TRRAP: variants seen among roughly 807,000 people sequenced by gnomAD.
TRRAP encodes transformation/transcription domain-associated protein.
Under a neutral mutation model 438.8 loss-of-function variants are expected in TRRAP, and 41 were observed. That is an observed-to-expected ratio of 0.09 (90% CI 0.07 to 0.12). The LOEUF (loss-of-function observed/expected upper bound fraction) is 0.12. Among genes scored for constraint, TRRAP ranks in the 10% least tolerant of loss-of-function variants. The probability of loss-of-function intolerance (pLI) is 1.00; values close to 1 mark genes in which losing one functional copy is unlikely to be tolerated. For synonymous variants in TRRAP, 1,994 were observed against 1,962.9 expected (o/e 1.02, Z -0.42); for missense variants, 3,122 against 5,055.1 (o/e 0.62, Z 11.60).
chr7:98,984,208 A>G lies in TRRAP; in HGVS notation c.9138A>G (p.Lys3046=). ...TCCAGTATGGAAAAATCGCCCGGAA[A>G]CAAGGACTGGTCAATGTAGCTCTGG... is the stretch of plus-strand genomic sequence containing the variant. ...AIIQYGKIAR[K]QGLVNVALDI... Residue 3046 remains lysine (K), a synonymous_variant, in exon 61 of 73, where the codon AAA becomes AAG. Coordinates refer to ENST00000456197, the MANE Select transcript of TRRAP (RefSeq NM_001375524.1). 1 of 1,614,186 alleles carries G rather than the reference A, an allele frequency of 6.2e-7. No individual in the cohort carries two copies. The highest frequency in any genetic ancestry group is 8.5e-7 in the Non-Finnish European group (1 of 1,180,020).
rs782725234 is a variant in TRRAP at position 98,950,074 on chromosome 7, G to A, written c.5146G>A (p.Gly1716Arg). 17 of 1,614,082 alleles carry A rather than the reference G, an allele frequency of 1.1e-5. No homozygotes were observed. Among genetic ancestry groups the A allele is most frequent in the East Asian group, 2.2e-5 (1 of 44,900 alleles). The change falls in exon 38 of 73, where the codon GGA (glycine) becomes AGA (arginine). Residue 1716 changes from glycine to arginine, a missense_variant. This residue lies in a region of TRRAP where 272 missense variants were observed against 348.5 expected (regional missense o/e 0.78). Transcript: ENST00000456197. ...CTTTTGACCCTCCAGAAGGAATTAC[G>A]GAGATATAGAATTGCTGTTCCAGCT... Reference protein sequence around the residue: ...CLLNYCKRNYGDIELLFQLLR... With the variant: ...CLLNYCKRNYRDIELLFQLLR...
Position 98,950,856 on chromosome 7 carries a change from T to C in TRRAP, c.5335-20T>C. On this transcript the variant is annotated intron_variant, in intron 38 of 72. Coordinates refer to ENST00000456197, the MANE Select transcript of TRRAP (RefSeq NM_001375524.1). Reference sequence around the variant, plus strand: ...GCATGGCTTTGTTTTTCTCCTTCTTTATTTAAATTTTTTTTGTAGGTTCTG... The same window carrying C: ...GCATGGCTTTGTTTTTCTCCTTCTTCATTTAAATTTTTTTTGTAGGTTCTG... 1.3e-6 allele frequency: 2 copies of C among 1,508,688 alleles called. No individual in the cohort carries two copies. Among genetic ancestry groups the C allele is most frequent in the Middle Eastern group, 3.6e-4 (2 of 5,618 alleles). The allele number at this position is 1,508,688 out of a possible 1,614,324, so 93.5% of individuals were successfully genotyped here. A position where few individuals can be genotyped will look rare whatever the true frequency, so the allele number is the denominator to read the frequency against.
intron 14 of TRRAP, among the ~76,000 whole-genome samples, chr7:98,909,807 G>A (rs1170571329): frequency 1.3e-5 from 2 of 151,836 alleles, no homozygotes; most frequent in African/African-American, 4.8e-5. Context: ...TCCTTTACAC[G>A]TGGCACAAAG....
chr7:98,924,726 GGGCGCGGT>G (rs1789961109), intron 21 of TRRAP, among the ~76,000 whole-genome samples: 1 of 143,202 alleles, frequency 7.0e-6, no homozygotes, highest in South Asian at 2.3e-4. Context: ...GGGTGTGGCT[GGGCGCGGT>G]GGCTCATGCC....
intron 53 of TRRAP, among the ~76,000 whole-genome samples, chr7:98,974,015 G>A (rs898929636): frequency 6.6e-6 from 1 of 152,114 alleles, no homozygotes; most frequent in African/African-American, 2.4e-5. Flanking sequence ...TCTTTTTACT[G>A]AGAGCCTGCT....
Position 98,903,413 on chromosome 7 carries a change from A to G in TRRAP, c.932A>G (p.Lys311Arg). The G allele has an allele frequency of 6.2e-7, 1 of 1,614,248 alleles. No individual in the cohort carries two copies. Among genetic ancestry groups the G allele is most frequent in the Non-Finnish European group, 8.5e-7 (1 of 1,180,042 alleles). ...LVTKYSQQMV[K>R]GMLQLLSNCP... ...ACTAAGTATTCTCAGCAGATGGTGAAAGGAATGCTCCAGTTACTTTCAAAT... is the reference window on the plus strand; with the variant it reads ...ACTAAGTATTCTCAGCAGATGGTGAGAGGAATGCTCCAGTTACTTTCAAAT... The change falls in exon 12 of 73, where the codon AAA becomes AGA. Residue 311 changes from lysine to arginine, a missense_variant. Around this residue, in one of 24 missense-constraint regions of TRRAP, gnomAD observed 343 missense variants for 564.0 expected, o/e 0.61. Coordinates refer to ENST00000456197, the MANE Select transcript of TRRAP (RefSeq NM_001375524.1).
At chr7:98,989,087 T>G (rs1793276786) in intron 63 of TRRAP, 121 bp downstream of exon 63, 1 of 997,746 alleles carries the variant, frequency 1.0e-6, no homozygotes, top group Admixed American at 2.2e-5. Flanking sequence ...GCCTTAACTC[T>G]TAATCCTCAT....
At chr7:98,993,051 G>A (rs1793498615) in intron 65 of TRRAP, among the ~76,000 whole-genome samples, 1 of 152,226 alleles carries the variant, frequency 6.6e-6, no homozygotes, top group African/African-American at 2.4e-5. Context: ...TTCAAAAGCA[G>A]TATTTTGCAA....
At position 98,956,480 on chromosome 7, in the gene TRRAP, G is replaced by A; in HGVS notation, c.6178G>A (p.Asp2060Asn). Reference sequence around the variant, plus strand: ...CTCCATTAAGAGAGGCCTGTCCGTGGATTCTGCCCAGGAAGTGAAACGCTT... The same window carrying A: ...CTCCATTAAGAGAGGCCTGTCCGTGAATTCTGCCCAGGAAGTGAAACGCTT... ...SSSIKRGLSV[D>N]SAQEVKRFRT... The change falls in exon 43 of 73, where the codon GAT becomes AAT. Residue 2060 changes from aspartate to asparagine, a missense_variant. Coordinates refer to ENST00000456197, the MANE Select transcript of TRRAP (RefSeq NM_001375524.1). The surrounding 1 kb of genome is among the most constrained non-coding windows in gnomAD (Gnocchi z 4.5). 1 of 1,614,248 alleles carries A rather than the reference G, an allele frequency of 6.2e-7. No homozygotes were observed. The highest frequency in any genetic ancestry group is 8.5e-7 in the Non-Finnish European group (1 of 1,180,058).
At chr7:98,978,406 C>G in intron 57 of TRRAP, 83 bp downstream of exon 57, 2 of 1,266,432 alleles carry the variant, frequency 1.6e-6, no homozygotes, top group Non-Finnish European at 2.2e-6. Flanking sequence ...TTGTAATGAG[C>G]GTTTTTTAAA....
At chr7:98,878,992 G>C (rs1304533245) in intron 1 of TRRAP, among the ~76,000 whole-genome samples, 1 of 152,026 alleles carries the variant, frequency 6.6e-6, no homozygotes, top group Admixed American at 6.5e-5. Flanking sequence ...TTGGGGGCCT[G>C]TCCCTCCGGA....
chr7:98,937,374 C>G, intron 29 of TRRAP, 97 bp downstream of exon 29: 1 of 1,486,140 alleles, frequency 6.7e-7, no homozygotes, highest in South Asian at 1.4e-5. Context: ...GCTATATAAA[C>G]AGTGTATGCC....
chr7:98,949,905 T>G (rs1446534688), intron 37 of TRRAP, 64 bp downstream of exon 37: 7 of 1,577,498 alleles, frequency 4.4e-6, no homozygotes, highest in Non-Finnish European at 6.0e-6. Flanking sequence ...AGCCAGAGCC[T>G]CCTTCTACTC....
chr7:98,972,738 A>G (rs1792475420), intron 53 of TRRAP, among the ~76,000 whole-genome samples: 1 of 152,220 alleles, frequency 6.6e-6, no homozygotes, highest in African/African-American at 2.4e-5. Context: ...TATTCTGTTC[A>G]TATCAGGAGC....
rs1554413397 is a variant in TRRAP, at chr7:98,933,304, A to G, written c.3916A>G (p.Ile1306Val). ...LLRHQPANAQ[I>V]GLMEGNTFCT... ...CCGACACCAGCCTGCCAACGCACAG[A>G]TTGGCCTGATGGAGGGGAACACGTT... The change falls in exon 27 of 73, where the codon ATT (isoleucine) becomes GTT (valine). Residue 1306 changes from isoleucine (I) to valine (V), a missense_variant. Physicochemically the swap from Ile to Val is conservative, Grantham distance 29. Transcript: ENST00000456197. The G allele has an allele frequency of 1.9e-6, 3 of 1,614,034 alleles. No individual in the cohort carries two copies. Among genetic ancestry groups the G allele is most frequent in the East Asian group, 4.5e-5 (2 of 44,894 alleles).
At chr7:99,002,061 A>G (rs1214765953) in intron 67 of TRRAP, among the ~76,000 whole-genome samples, 1 of 147,618 alleles carries the variant, frequency 6.8e-6, no homozygotes, top group Non-Finnish European at 1.5e-5. Context: ...ATTGTGAAAT[A>G]CCACAGTGGA....
chr7:99,005,089 CA>C lies in TRRAP; in HGVS notation c.10536-41del, dbSNP rs1794103901. On this transcript the variant is annotated intron_variant, in intron 68 of 72. Coordinates refer to ENST00000456197, the MANE Select transcript of TRRAP (RefSeq NM_001375524.1). This position sits in a 1 kb window ranked among gnomAD's most constrained non-coding sequence, Gnocchi z 5.1. ...TTCTTCTCAAGACAAGGACTGGTAG[CA>C]GAGATGCAGGGCATGTCCTCATGGC... 3.8e-6 allele frequency: 6 copies of C among 1,590,068 alleles called. No homozygotes were observed. Among genetic ancestry groups the C allele is most frequent in the Non-Finnish European group, 5.2e-6 (6 of 1,161,074 alleles).
chr7:98,937,767 G>A lies in TRRAP; in HGVS notation c.4351G>A (p.Val1451Ile). 2 of 1,613,946 alleles carry A rather than the reference G, an allele frequency of 1.2e-6. No individual in the cohort carries two copies. Among genetic ancestry groups the A allele is most frequent in the Non-Finnish European group, 8.5e-7 (1 of 1,179,906 alleles). ...TLNVVNRLTS[V>I]TRLFPNSFND... ...GAATGTTGTGAATCGCCTGACTTCG[G>A]TCACGAGGCTCTTCCCAAATTCCTT... Residue 1451 changes from valine to isoleucine, a missense_variant, in exon 30 of 73, where the codon GTC becomes ATC. This residue lies in a region of TRRAP where 108 missense variants were observed against 256.9 expected (regional missense o/e 0.42). Coordinates refer to ENST00000456197, the MANE Select transcript of TRRAP (RefSeq NM_001375524.1).
intron 3 of TRRAP, among the ~76,000 whole-genome samples, chr7:98,884,577 G>A (rs1368527128): frequency 2.6e-5 from 4 of 152,154 alleles, no homozygotes; most frequent in African/African-American, 9.7e-5. Flanking sequence ...GTGAGCTTCA[G>A]GCAGTGTCAC....
Sources: allele counts gnomAD v4.1 joint callset (sites outside exome capture counted in the v4.1 genomes callset), GRCh38; gene constraint gnomAD v4.1.1; regional missense constraint gnomAD v4.1.1; non-coding constraint Gnocchi (gnomAD v3.1); transcripts MANE v1.5; gene names NCBI Gene and HGNC (gene_info 2026-07-23, HGNC 2026-07-21).